The following SOD3 variants were observed in gnomAD, a reference collection of about 807,000 sequenced individuals.
SOD3 encodes the protein superoxide dismutase 3.
In SOD3, 3 loss-of-function variants were observed where a neutral mutation model predicts 2.6. The ratio of observed to expected loss-of-function variants is 1.13; its 90% CI spans 0.52 to 2.93. The LOEUF is 2.93. Among genes scored for constraint, SOD3 ranks in the 30% most tolerant of loss-of-function variants. SOD3 has a pLI of 0.04. For missense variants in SOD3, 379 were observed against 370.4 expected, an observed-to-expected ratio of 1.02 and a Z score of -0.19; for synonymous variants, 188 against 177.5, an observed-to-expected ratio of 1.06 and a Z score of -0.47.
At chr4:24,797,476 C>T (rs1026361031) in intron 1 of SOD3, among the ~76,000 whole-genome samples, 1 of 152,106 alleles carries the variant, frequency 6.6e-6, no homozygotes, top group Non-Finnish European at 1.5e-5. Flanking sequence ...CGCCTGTGTT[C>T]GATAAGTTTT....
rs368698011 is a variant in SOD3, at chr4:24,799,830, G to T, written c.309G>T (p.Pro103=). The T allele has an allele frequency of 6.2e-7, 1 of 1,600,590 alleles. No homozygotes were observed. Among genetic ancestry groups the T allele is most frequent in the Non-Finnish European group, 8.5e-7 (1 of 1,178,802 alleles). The change falls in exon 2 of 2, where the codon CCG becomes CCT. Residue 103 remains proline, a synonymous_variant. Transcript: ENST00000382120. ...CCTTCTTCGCCCTGGAGGGCTTCCC[G>T]ACCGAGCCGAACAGCTCCAGCCGCG... ...LDAFFALEGF[P]TEPNSSSRAI... is the part of the protein sequence containing the mutation.
At position 24,800,180 on chromosome 4, in the gene SOD3, G is replaced by T. The variant is rs770122137; in HGVS notation, c.659G>T (p.Arg220Leu). 2.5e-4 allele frequency: 355 copies of T among 1,421,912 alleles called. No individual in the cohort carries two copies. In the Middle Eastern group the frequency reaches 5.8e-3, roughly 23 times the overall value. 88.1% of individuals were successfully genotyped at this position (1,421,912 alleles called of 1,614,324 possible). ...GTGTGCGGGCCCGGGCTCTGGGAGC[G>T]CCAGGCGCGGGAGCACTCAGAGCGC... is the stretch of plus-strand genomic sequence containing the variant. ...VGVCGPGLWERQAREHSERKK... is the reference protein window; with the variant it reads ...VGVCGPGLWELQAREHSERKK... The change falls in exon 2 of 2, where the codon CGC (arginine) becomes CTC (leucine). Residue 220 changes from arginine to leucine, a missense_variant. Physicochemically the swap from Arg to Leu is moderately radical, Grantham distance 102. Transcript: ENST00000382120.
chr4:24,799,747 C>A lies in SOD3; in HGVS notation c.226C>A (p.Pro76Thr). The change falls in exon 2 of 2, where the codon CCC (proline) becomes ACC (threonine). Residue 76 changes from proline (P) to threonine (T), a missense_variant. Transcript: ENST00000382120. ...QPSATLDAAQPRVTGVVLFRQ... is the reference protein window; with the variant it reads ...QPSATLDAAQTRVTGVVLFRQ... ...GTCGGCCACGCTGGACGCCGCGCAGCCCCGGGTGACCGGCGTCGTCCTCTT... is the reference window on the plus strand; with the variant it reads ...GTCGGCCACGCTGGACGCCGCGCAGACCCGGGTGACCGGCGTCGTCCTCTT... 1 of 1,561,760 alleles carries A rather than the reference C, an allele frequency of 6.4e-7. No homozygotes were observed. Among genetic ancestry groups the A allele is most frequent in the Non-Finnish European group, 8.6e-7 (1 of 1,159,750 alleles).
chr4:24,797,866 G>C (rs187857183), intron 1 of SOD3, among the ~76,000 whole-genome samples: 14 of 152,256 alleles, frequency 9.2e-5, no homozygotes, highest in African/African-American at 3.4e-4. Context: ...AATCCCTCTG[G>C]AAATACCTCG....
At chr4:24,798,487 C>T (rs1296451577) in intron 1 of SOD3, among the ~76,000 whole-genome samples, 3 of 151,946 alleles carry the variant, frequency 2.0e-5, no homozygotes, top group Non-Finnish European at 4.4e-5. Context: ...TTGGTAAAAG[C>T]CTTCATTTCC....
intron 1 of SOD3, 64 bp from the exon 2 acceptor site, chr4:24,799,442 G>A (rs1713762851): frequency 1.3e-6 from 2 of 1,544,368 alleles, no homozygotes; most frequent in Admixed American, 1.9e-5. Context: ...TGGGGTCCCT[G>A]AGATTCTATG....
chr4:24,798,880 T>C (rs1577362811), intron 1 of SOD3, among the ~76,000 whole-genome samples: 1 of 152,210 alleles, frequency 6.6e-6, no homozygotes, highest in Non-Finnish European at 1.5e-5. Flanking sequence ...GCTGGAATGA[T>C]TGGATGCCAA....
At chr4:24,798,774 C>T (rs1381152521) in intron 1 of SOD3, among the ~76,000 whole-genome samples, 1 of 152,116 alleles carries the variant, frequency 6.6e-6, no homozygotes, top group Non-Finnish European at 1.5e-5. Context: ...CAAAAGTCAC[C>T]ACCTCTGAGA....
Position 24,800,230 on chromosome 4 carries a change from T to G in SOD3, c.709T>G (p.Cys237Gly), listed in dbSNP as rs1713808058. 7.1e-7 allele frequency: 1 copy of G among 1,409,280 alleles called. No homozygotes were observed. Among genetic ancestry groups the G allele is most frequent in the African/African-American group, 1.5e-5 (1 of 65,962 alleles). The allele number at this position is 1,409,280 out of a possible 1,614,324, so 87.3% of individuals were successfully genotyped here. ...CAAGAAGCGGCGGCGCGAGAGCGAG[T>G]GCAAGGCCGCCTGAGCGCGGCCCCC... ...ERKKRRRESE[C>G]KAA Residue 237 changes from cysteine to glycine, a missense_variant, in exon 2 of 2, where the codon TGC (cysteine) becomes GGC (glycine). Transcript: ENST00000382120.
chr4:24,800,451 C>G lies in SOD3; in HGVS notation c.*207C>G, dbSNP rs537611885. 1 of 435,248 alleles carries G rather than the reference C, an allele frequency of 2.3e-6. No homozygotes were observed. Among genetic ancestry groups the G allele is most frequent in the Admixed American group, 4.6e-5 (1 of 21,966 alleles). 27.0% of individuals were successfully genotyped at this position (435,248 alleles called of 1,614,324 possible). ...GAGGACCGCCCCAACCCTCGGAGCC[C>G]CCCACTCAGTAGGTCTGAAGGCCTC... is the stretch of plus-strand genomic sequence containing the variant. On this transcript the variant is annotated 3_prime_UTR_variant, in exon 2 of 2. Coordinates refer to ENST00000382120, the MANE Select transcript of SOD3 (RefSeq NM_003102.4).
intron 1 of SOD3, among the ~76,000 whole-genome samples, chr4:24,797,461 T>A (rs1713704132): frequency 1.3e-5 from 2 of 152,212 alleles, no homozygotes; most frequent in African/African-American, 4.8e-5. Context: ...TATAATAGTG[T>A]CTGGCGCCTG....
At chr4:24,798,048 C>CT (rs1713722777) in intron 1 of SOD3, among the ~76,000 whole-genome samples, 1 of 151,590 alleles carries the variant, frequency 6.6e-6, no homozygotes, top group Admixed American at 6.6e-5. Context: ...CTTTTCTTTT[C>CT]TTTCTTTCCT....
chr4:24,799,584 C>G lies in SOD3; in HGVS notation c.63C>G (p.Gly21=). Residue 21 remains glycine, a synonymous_variant, in exon 2 of 2, where the codon GGC becomes GGG. Transcript: ENST00000382120. ...CCGGTGCCTCGGACGCCTGGACGGGCGAGGACTCGGCGGAGCCCAACTCTG... is the reference window on the plus strand; with the variant it reads ...CCGGTGCCTCGGACGCCTGGACGGGGGAGGACTCGGCGGAGCCCAACTCTG... The part of the protein sequence containing the change: ...LAAGASDAWT[G]EDSAEPNSDS... 1 of 1,603,194 alleles carries G rather than the reference C, an allele frequency of 6.2e-7. No homozygotes were observed. The highest frequency in any genetic ancestry group is 8.5e-7 in the Non-Finnish European group (1 of 1,178,710).
intron 1 of SOD3, among the ~76,000 whole-genome samples, chr4:24,797,355 C>A (rs564066075): frequency 6.6e-6 from 1 of 152,236 alleles, no homozygotes; most frequent in African/African-American, 2.4e-5. Context: ...GCGGGACACA[C>A]GCCTCTCTGT....
rs375995275 is a variant in SOD3 at position 24,799,533 on chromosome 4, A to C, written c.12A>C (p.Leu4=). MLA[L]LCSCLLLAAG... is the part of the protein sequence containing the mutation. ...GCCCGACTCCAGCCATGCTGGCGCTACTGTGTTCCTGCCTGCTCCTGGCAG... is the reference window on the plus strand; with the variant it reads ...GCCCGACTCCAGCCATGCTGGCGCTCCTGTGTTCCTGCCTGCTCCTGGCAG... The change falls in exon 2 of 2, where the codon CTA becomes CTC. Residue 4 remains leucine, a synonymous_variant. Transcript: ENST00000382120. 30 of 1,599,694 alleles carry C rather than the reference A, an allele frequency of 1.9e-5. No individual in the cohort carries two copies. The African/African-American group carries it at 3.5e-4, about 19-fold the overall frequency.
chr4:24,799,935 G>T lies in SOD3; in HGVS notation c.414G>T (p.Pro138=). 1 of 1,593,920 alleles carries T rather than the reference G, an allele frequency of 6.3e-7. No homozygotes were observed. The highest frequency in any genetic ancestry group is 8.5e-7 in the Non-Finnish European group (1 of 1,176,786). ...CCCACTACAACCCGCTGGCCGTGCC[G>T]CACCCGCAGCACCCGGGCGACTTCG... ...TGPHYNPLAV[P]HPQHPGDFGN... is the part of the protein sequence containing the mutation. The change falls in exon 2 of 2, where the codon CCG becomes CCT. Residue 138 remains proline, a synonymous_variant. Coordinates refer to ENST00000382120, the MANE Select transcript of SOD3 (RefSeq NM_003102.4).
Position 24,799,950 on chromosome 4 carries a change from G to A in SOD3, c.429G>A (p.Pro143=), listed in dbSNP as rs370480384. 4 of 1,592,576 alleles carry A rather than the reference G, an allele frequency of 2.5e-6. No homozygotes were observed. Among genetic ancestry groups the A allele is most frequent in the African/African-American group, 2.7e-5 (2 of 74,324 alleles). Residue 143 remains proline, a synonymous_variant, in exon 2 of 2, where the codon CCG becomes CCA. Transcript: ENST00000382120. ...NPLAVPHPQH[P]GDFGNFAVRD... is the part of the protein sequence containing the mutation. ...TGGCCGTGCCGCACCCGCAGCACCC[G>A]GGCGACTTCGGCAACTTCGCGGTCC...
chr4:24,797,217 T>C lies in SOD3; in HGVS notation c.-17+1566T>C, dbSNP rs1713691747. On this transcript the variant is annotated intron_variant, in intron 1 of 1. Transcript: ENST00000382120. ...GAGCTGCCATTTACTGGGAACTTTC[T>C]ATGTACTGGGCTCTGTGCTAAGTGC... Among the ~76,000 whole-genome samples, 3 of 152,208 alleles carry C rather than the reference T, an allele frequency of 2.0e-5. No homozygotes were observed. The South Asian group carries it at 6.2e-4, about 32-fold the overall frequency.
Position 24,799,851 on chromosome 4 carries a change from C to T in SOD3, c.330C>T (p.Ser110=), listed in dbSNP as rs1009418829. ...EGFPTEPNSS[S]RAIHVHQFGD... Reference sequence around the variant, plus strand: ...TCCCGACCGAGCCGAACAGCTCCAGCCGCGCCATCCACGTGCACCAGTTCG... The same window carrying T: ...TCCCGACCGAGCCGAACAGCTCCAGTCGCGCCATCCACGTGCACCAGTTCG... Residue 110 remains serine, a synonymous_variant, in exon 2 of 2, where the codon AGC becomes AGT. Coordinates refer to ENST00000382120, the MANE Select transcript of SOD3 (RefSeq NM_003102.4). 7 of 1,602,544 alleles carry T rather than the reference C, an allele frequency of 4.4e-6. No individual in the cohort carries two copies. The East Asian group carries it at 6.7e-5, about 15-fold the overall frequency.
Sources: gnomAD v4.1 joint callset for allele counts (sites outside exome capture counted in the v4.1 genomes callset) on GRCh38, gnomAD v4.1.1 for gene constraint, MANE v1.5 for transcripts, NCBI Gene and HGNC (gene_info 2026-07-23, HGNC 2026-07-21) for gene names.